The following CDC42BPB variants were observed in gnomAD, a reference collection of about 807,000 sequenced individuals.
CDC42BPB encodes CDC42 binding protein kinase beta.
Under a neutral mutation model 214.9 loss-of-function variants are expected in CDC42BPB, and 37 were observed. The ratio of observed to expected loss-of-function variants is 0.17; its 90% confidence interval spans 0.13 to 0.23. CDC42BPB has a LOEUF of 0.23. Among genes scored for constraint, CDC42BPB ranks in the 10% least tolerant of loss-of-function variants. CDC42BPB has a pLI of 1.00. For missense variants in CDC42BPB, 1,694 were observed against 2,227.0 expected (o/e 0.76, Z 4.82); for synonymous variants, 931 against 884.0 (o/e 1.05, Z -0.94).
intron 1 of CDC42BPB, among the ~76,000 whole-genome samples, chr14:103,027,261 C>T (rs1887105991): frequency 6.6e-6 from 1 of 152,168 alleles, no homozygotes; most frequent in African/African-American, 2.4e-5. Flanking sequence ...TGTAGCCTGG[C>T]AGTTCCTCAA....
rs529056427 is a variant in CDC42BPB at position 102,980,862 on chromosome 14, G to C, written c.1051C>G (p.Arg351Gly). The change falls in exon 8 of 37, where the codon CGA becomes GGA. Residue 351 changes from arginine to glycine, a missense_variant. Physicochemically the swap from Arg to Gly is moderately radical, Grantham distance 125. Transcript: ENST00000361246. ...FFEGLNWENI[R>G]NLEAPYIPDV... The stretch of plus-strand genomic sequence containing the variant: ...GGAATATAAGGTGCTTCTAGGTTTC[G>C]TATATTTTCCCAATTTAGACCTTCA... The C allele has an allele frequency of 6.2e-7, 1 of 1,614,112 alleles. No individual in the cohort carries two copies. Among genetic ancestry groups the C allele is most frequent in the Admixed American group, 1.7e-5 (1 of 60,020 alleles).
intron 8 of CDC42BPB, among the ~76,000 whole-genome samples, chr14:102,980,170 A>G (rs1162403175): frequency 1.3e-5 from 2 of 152,336 alleles, no homozygotes; most frequent in African/African-American, 4.8e-5. Context: ...GTGAAGCTCT[A>G]ATACAATGAT....
At position 102,941,566 on chromosome 14, in the gene CDC42BPB, G is replaced by A. The variant is rs928997859; in HGVS notation, c.4409-1242C>T. ...CCCTTCAGGGAACCACTCTCCACAC[G>A]GGCTTCTGGGAAGGCCCTTGCCTGC... On this transcript the variant is annotated intron_variant, in intron 30 of 36. Coordinates refer to ENST00000361246, the MANE Select transcript of CDC42BPB (RefSeq NM_006035.4). 1.2e-5 allele frequency: 12 copies of A among 985,396 alleles called. No individual in the cohort carries two copies. The East Asian group carries it at 1.1e-3, about 93-fold the overall frequency. 61.0% of individuals were successfully genotyped at this position (985,396 alleles called of 1,614,324 possible).
At chr14:102,967,624 A>G (rs1421272649) in intron 16 of CDC42BPB, among the ~76,000 whole-genome samples, 1 of 152,212 alleles carries the variant, frequency 6.6e-6, no homozygotes, top group Non-Finnish European at 1.5e-5. Flanking sequence ...AAGCCTGCAT[A>G]CCATGTTGCT....
chr14:103,014,376 T>A (rs543005647), intron 1 of CDC42BPB, among the ~76,000 whole-genome samples: 1 of 152,316 alleles, frequency 6.6e-6, no homozygotes, highest in Non-Finnish European at 1.5e-5. Context: ...CAAATCTGCA[T>A]GTTTTATGCT....
intron 14 of CDC42BPB, among the ~76,000 whole-genome samples, chr14:102,969,727 C>G (rs1280492652): frequency 6.6e-6 from 1 of 152,284 alleles, no homozygotes; most frequent in African/African-American, 2.4e-5. Flanking sequence ...TCCAGCCCCA[C>G]CAGTGGGCCC....
intron 1 of CDC42BPB, among the ~76,000 whole-genome samples, chr14:103,053,793 G>A (rs896794202): frequency 2.0e-5 from 3 of 150,800 alleles, no homozygotes; most frequent in African/African-American, 4.9e-5. Context: ...AATGACTCTT[G>A]TCCCATGCGA....
intron 1 of CDC42BPB, among the ~76,000 whole-genome samples, chr14:103,035,156 C>A (rs1887597786): frequency 6.6e-6 from 1 of 151,834 alleles, no homozygotes; most frequent in Non-Finnish European, 1.5e-5. Flanking sequence ...CACCCAGGTT[C>A]CAGCAATTCT....
At chr14:102,957,198 CAAAAAAAA>C (rs1169886657) in intron 21 of CDC42BPB, among the ~76,000 whole-genome samples, 1 of 33,412 alleles carries the variant, frequency 3.0e-5, no homozygotes, top group African/African-American at 8.5e-5. Flanking sequence ...AAGACTGTCT[CAAAAAAAA>C]AAAAAAAAAA....
chr14:103,001,641 G>T lies in CDC42BPB; in HGVS notation c.448-1928C>A, dbSNP rs900569200. On this transcript the variant is annotated intron_variant, in intron 4 of 36. Transcript: ENST00000361246. This position sits in a 1 kb window ranked among gnomAD's most constrained non-coding sequence, Gnocchi z 5.8. ...CCCAGGCACCGAGGTGCCACTGCGT[G>T]TGGAGGGCGATGCAGAGGGGGCGGT... 1.3e-5 allele frequency among the ~76,000 whole-genome samples: 2 copies of T among 152,220 alleles called. No homozygotes were observed. Among genetic ancestry groups the T allele is most frequent in the Non-Finnish European group, 2.9e-5 (2 of 68,032 alleles).
intron 21 of CDC42BPB, among the ~76,000 whole-genome samples, chr14:102,957,022 TACAA>T (rs1892737498): frequency 6.7e-4 from 3 of 4,498 alleles, no homozygotes; most frequent in African/African-American, 2.4e-3. Context: ...CTACTAAAAA[TACAA>T]AAAAAAAAAA....
At chr14:102,963,496 C>G (rs1218675813) in intron 19 of CDC42BPB, among the ~76,000 whole-genome samples, 2 of 152,248 alleles carry the variant, frequency 1.3e-5, no homozygotes, top group Non-Finnish European at 2.9e-5. Context: ...CCATCAATAT[C>G]TTTCCCATAA....
intron 1 of CDC42BPB, among the ~76,000 whole-genome samples, chr14:103,045,415 G>C (rs1888233962): frequency 6.6e-6 from 1 of 152,116 alleles, no homozygotes; most frequent in Non-Finnish European, 1.5e-5. Context: ...GCCCAGCTGT[G>C]AACAGCCCCA....
At position 102,944,517 on chromosome 14, in the gene CDC42BPB, CGACGGGACAGCCAGCAGCTCCCAGGGGCT is replaced by C. The variant is rs1566844113; in HGVS notation, c.3812-59_3812-31del. 1 of 1,588,444 alleles carries C rather than the reference CGACGGGACAGCCAGCAGCTCCCAGGGGCT, an allele frequency of 6.3e-7. No homozygotes were observed. Among genetic ancestry groups the C allele is most frequent in the Non-Finnish European group, 8.6e-7 (1 of 1,164,778 alleles). ...GGCAAGGAGGACAAGAGCGTGAGGC[CGACGGGACAGCCAGCAGCTCCCAGGGGCT>C]GACGGCCTTGGCTAAAGACTTGCCT... On this transcript the variant is annotated intron_variant, in intron 29 of 36. Transcript: ENST00000361246. This position sits in a 1 kb window ranked among gnomAD's most constrained non-coding sequence, Gnocchi z 6.6.
intron 20 of CDC42BPB, 128 bp downstream of exon 20, chr14:102,962,933 T>A: frequency 1.8e-6 from 1 of 548,260 alleles, no homozygotes; most frequent in East Asian, 3.0e-5. Context: ...ATGCTGATTT[T>A]GGAAAATACT....
intron 12 of CDC42BPB, 177 bp from the exon 13 acceptor site, chr14:102,972,338 A>G: frequency 3.0e-6 from 3 of 985,406 alleles, no homozygotes; most frequent in Non-Finnish European, 3.6e-6. Flanking sequence ...TGCCAGCCAC[A>G]CAGGCAATGG....
intron 2 of CDC42BPB, 145 bp from the exon 3 acceptor site, chr14:103,008,700 G>A (rs917070098): frequency 1.4e-6 from 2 of 1,448,516 alleles, no homozygotes; most frequent in African/African-American, 2.9e-5. Flanking sequence ...CCTAGCATGT[G>A]CCAGTTCCTG....
chr14:102,994,189 A>G (rs1476443735), intron 5 of CDC42BPB, among the ~76,000 whole-genome samples: 2 of 152,062 alleles, frequency 1.3e-5, no homozygotes, highest in Non-Finnish European at 2.9e-5. Flanking sequence ...ATTCCCTATA[A>G]AACAGGGATG....
chr14:103,052,937 C>A (rs954556319), intron 1 of CDC42BPB, among the ~76,000 whole-genome samples: 34 of 152,330 alleles, frequency 2.2e-4, no homozygotes, highest in African/African-American at 7.9e-4. Flanking sequence ...AGATGAAAGA[C>A]AACAAATTCA....
Sources: gnomAD v4.1 joint callset for allele counts (sites outside exome capture counted in the v4.1 genomes callset) on GRCh38, gnomAD v4.1.1 for gene constraint, Gnocchi (gnomAD v3.1) non-coding constraint, MANE v1.5 for transcripts, NCBI Gene and HGNC (gene_info 2026-07-23, HGNC 2026-07-21) for gene names.